The following GLDC variants were observed in gnomAD, a reference collection of about 807,000 sequenced individuals.
GLDC encodes the protein glycine dehydrogenase (decarboxylating), mitochondrial.
Under a neutral mutation model 121.3 loss-of-function variants are expected in GLDC, and 104 were observed. The ratio of observed to expected loss-of-function variants is 0.86; its 90% confidence interval spans 0.73 to 1.01. The LOEUF (loss-of-function observed/expected upper bound fraction) is 1.01. GLDC is among the 50% of genes least tolerant of loss of function. The probability of loss-of-function intolerance (pLI) is 0.00; values close to 1 mark genes in which losing one functional copy is unlikely to be tolerated. For synonymous variants in GLDC, 546 were observed against 480.6 expected (o/e 1.14, Z -1.78); for missense variants, 1,429 against 1,306.6 (o/e 1.09, Z -1.44).
chr9:6,639,287 C>A, intron 2 of GLDC: 1 of 925,970 alleles, frequency 1.1e-6, no homozygotes, highest in Non-Finnish European at 1.8e-6. Context: ...TTCCGGCGGT[C>A]CAAGACCCTG....
chr9:6,580,389 C>G (rs1357513377), intron 15 of GLDC, among the ~76,000 whole-genome samples: 1 of 152,182 alleles, frequency 6.6e-6, no homozygotes, highest in African/African-American at 2.4e-5. Context: ...CACCCAGAAC[C>G]AGGGATTCCG....
At chr9:6,581,337 A>G (rs1447986714) in intron 15 of GLDC, among the ~76,000 whole-genome samples, 1 of 152,202 alleles carries the variant, frequency 6.6e-6, no homozygotes, top group Non-Finnish European at 1.5e-5. Context: ...GGTCACTAAT[A>G]CAACCTTTTC....
At chr9:6,579,836 C>T (rs1818141132) in intron 15 of GLDC, among the ~76,000 whole-genome samples, 1 of 152,224 alleles carries the variant, frequency 6.6e-6, no homozygotes, top group Non-Finnish European at 1.5e-5. Context: ...TGTGCTTCCT[C>T]TCTGTTGCTG....
chr9:6,548,612 G>A (rs1040338808), intron 21 of GLDC, among the ~76,000 whole-genome samples: 1 of 152,154 alleles, frequency 6.6e-6, no homozygotes, highest in Non-Finnish European at 1.5e-5. Flanking sequence ...CACAGCTATA[G>A]AGCTACATTC....
Position 6,605,076 on chromosome 9 carries a change from C to A in GLDC, c.861+55G>T, listed in dbSNP as rs1356326238. The stretch of plus-strand genomic sequence containing the variant: ...AAAGACAGAGAGAGAGATAGGTAGA[C>A]AGATACAAGTTGGGATACGCCTCCA... On this transcript the variant is annotated intron_variant, in intron 6 of 24. Coordinates refer to ENST00000321612, the MANE Select transcript of GLDC (RefSeq NM_000170.3). The A allele has an allele frequency of 3.4e-6, 5 of 1,465,370 alleles. No homozygotes were observed. In the East Asian group the frequency reaches 1.1e-4, roughly 33 times the overall value. 90.8% of individuals were successfully genotyped at this position (1,465,370 alleles called of 1,614,324 possible).
chr9:6,608,515 C>A (rs1057269373), intron 4 of GLDC, among the ~76,000 whole-genome samples: 16 of 149,884 alleles, frequency 1.1e-4, no homozygotes, highest in Admixed American at 8.7e-4. Flanking sequence ...CCGAGGCGGG[C>A]GGATCATGAG....
chr9:6,600,771 G>C (rs1818593057), intron 8 of GLDC, among the ~76,000 whole-genome samples: 1 of 152,138 alleles, frequency 6.6e-6, no homozygotes, highest in Admixed American at 6.5e-5. Context: ...GGGTTTGGCT[G>C]GGTTTCACAA....
rs772417330 is a variant in GLDC at position 6,595,136 on chromosome 9, T to C, written c.1156-17A>G. ...CAAGAGGGCCTAAAAGATAAGAACA[T>C]TTAAAGAATCACGTGATGGAGGACA... On this transcript the variant is annotated splice_polypyrimidine_tract_variant and intron_variant, in intron 8 of 24. Transcript: ENST00000321612. The C allele has an allele frequency of 1.3e-6, 2 of 1,525,454 alleles. No individual in the cohort carries two copies. The highest frequency in any genetic ancestry group is 1.8e-6 in the Non-Finnish European group (2 of 1,099,364). 94.5% of individuals were successfully genotyped at this position (1,525,454 alleles called of 1,614,324 possible). A position where few individuals can be genotyped will look rare whatever the true frequency, so the allele number is the denominator to read the frequency against.
intron 11 of GLDC, among the ~76,000 whole-genome samples, chr9:6,590,546 G>A (rs11788881): frequency 0.21 from 31,520 of 151,964 alleles, 3,730 homozygotes; most frequent in Admixed American, 0.28. Context: ...TTTTTCTTTT[G>A]CCATGTGATG....
chr9:6,555,022 A>G (rs1817593592), intron 18 of GLDC: 1 of 577,094 alleles, frequency 1.7e-6, no homozygotes, highest in Admixed American at 2.9e-5. Flanking sequence ...AGTCCAATTT[A>G]GATTTAAAAA....
intron 4 of GLDC, among the ~76,000 whole-genome samples, chr9:6,609,744 C>G (rs1346228657): frequency 2.6e-5 from 4 of 152,026 alleles, no homozygotes; most frequent in Admixed American, 6.6e-5. Flanking sequence ...CATTTCCACC[C>G]TAGCCTCACT....
intron 7 of GLDC, 98 bp downstream of exon 7, chr9:6,604,490 T>G: frequency 9.0e-7 from 1 of 1,108,208 alleles, no homozygotes. Flanking sequence ...TGACTCAACA[T>G]GGCCCAGTTG....
In GLDC at chr9:6,576,957, T is replaced by A. The variant is rs1376782110; in HGVS notation, c.1850+10184A>T. 2.6e-5 allele frequency among the ~76,000 whole-genome samples: 4 copies of A among 152,328 alleles called. No homozygotes were observed. In the East Asian group the frequency reaches 7.7e-4, roughly 29 times the overall value. Reference sequence around the variant, plus strand: ...ATAACAGAGCCTTAAAAACCTCACATTTTCTAGATCCTAACCTTTCCCTTG... The same window carrying A: ...ATAACAGAGCCTTAAAAACCTCACAATTTCTAGATCCTAACCTTTCCCTTG... On this transcript the variant is annotated intron_variant, in intron 15 of 24. Transcript: ENST00000321612.
chr9:6,582,894 G>A (rs1285194956), intron 15 of GLDC, among the ~76,000 whole-genome samples: 1 of 151,652 alleles, frequency 6.6e-6, no homozygotes, highest in African/African-American at 2.4e-5. Flanking sequence ...ATTAAAAAAT[G>A]GGCAAAGGAC....
chr9:6,560,144 G>C (rs1432940824), intron 16 of GLDC, among the ~76,000 whole-genome samples: 2 of 152,132 alleles, frequency 1.3e-5, no homozygotes, highest in Non-Finnish European at 2.9e-5. Flanking sequence ...TGTCCCAGTG[G>C]GAAAGTAAGT....
intron 3 of GLDC, among the ~76,000 whole-genome samples, chr9:6,617,706 T>A (rs1818992646): frequency 6.6e-6 from 1 of 152,212 alleles, no homozygotes; most frequent in African/African-American, 2.4e-5. Context: ...TGCTGAGAGA[T>A]CTGGCTCCTA....
intron 3 of GLDC, among the ~76,000 whole-genome samples, chr9:6,616,399 C>G (rs904607601): frequency 6.6e-6 from 1 of 152,092 alleles, no homozygotes; most frequent in Non-Finnish European, 1.5e-5. Context: ...TGCAAATATG[C>G]CAAATATGTA....
chr9:6,551,746 G>A (rs751622017), intron 20 of GLDC, among the ~76,000 whole-genome samples: 39 of 152,170 alleles, frequency 2.6e-4, no homozygotes, highest in Non-Finnish European at 5.6e-4. Context: ...TATACCAGGT[G>A]AGAAGAATGG....
chr9:6,560,291 C>T (rs765234405), intron 16 of GLDC, among the ~76,000 whole-genome samples: 9 of 152,180 alleles, frequency 5.9e-5, no homozygotes, highest in Non-Finnish European at 1.2e-4. Flanking sequence ...TAGCTTACAG[C>T]TCTTTCCTCA....
Sources: allele counts gnomAD v4.1 joint callset (sites outside exome capture counted in the v4.1 genomes callset), GRCh38; gene constraint gnomAD v4.1.1; transcripts MANE v1.5; gene names NCBI Gene and HGNC (gene_info 2026-07-23, HGNC 2026-07-21).